The following GDAP2 variants were observed in gnomAD, a reference collection of about 807,000 sequenced individuals.
GDAP2 encodes ganglioside-induced differentiation-associated protein 2.
A neutral mutation model predicts 67.0 loss-of-function variants in GDAP2; 51 were observed. The ratio of observed to expected loss-of-function variants is 0.76; its 90% CI spans 0.61 to 0.96. The LOEUF (loss-of-function observed/expected upper bound fraction) is 0.96, where lower values mean the gene tolerates loss of function less well. Ranked by LOEUF, GDAP2 falls within the 40% of genes least tolerant of loss-of-function variation. The pLI is 0.00. For missense variants in GDAP2, 547 were observed against 588.3 expected (o/e 0.93, Z 0.73); for synonymous variants, 203 against 207.3 (o/e 0.98, Z 0.18).
At chr1:117,882,088 T>C (rs1240956725) in intron 11 of GDAP2, among the ~76,000 whole-genome samples, 2 of 152,166 alleles carry the variant, frequency 1.3e-5, no homozygotes, top group Non-Finnish European at 2.9e-5. Flanking sequence ...ATAGGAGATA[T>C]TAAGTGCTTC....
chr1:117,884,842 GTGTTC>G (rs1648792961), intron 10 of GDAP2, among the ~76,000 whole-genome samples: 1 of 150,834 alleles, frequency 6.6e-6, no homozygotes, highest in African/African-American at 2.5e-5. Flanking sequence ...GTGTGTGTGT[GTGTTC>G]TGTTTGTTCG....
At chr1:117,925,443 C>T (rs532866440) in intron 1 of GDAP2, among the ~76,000 whole-genome samples, 2 of 152,046 alleles carry the variant, frequency 1.3e-5, no homozygotes, top group African/African-American at 4.8e-5. Context: ...CAGAGCAAAA[C>T]CCTATCTCAA....
At chr1:117,899,950 A>T (rs1443195642) in intron 6 of GDAP2, among the ~76,000 whole-genome samples, 1 of 152,210 alleles carries the variant, frequency 6.6e-6, no homozygotes, top group East Asian at 1.9e-4. Flanking sequence ...CAATGAAATC[A>T]TTCAAGAAAT....
intron 3 of GDAP2, among the ~76,000 whole-genome samples, chr1:117,917,594 C>T (rs1650095045): frequency 1.3e-5 from 2 of 152,176 alleles, no homozygotes; most frequent in Non-Finnish European, 2.9e-5. Flanking sequence ...AGCTCAGACT[C>T]AGAGGTGAAG....
chr1:117,896,414 G>A lies in GDAP2; in HGVS notation c.953+419C>T, dbSNP rs548296466. ...GTTTGGATGTCTTGTAAGGTCCTTC[G>A]GATAAGTCAGGGAGAAATAAGGCTC... is the stretch of plus-strand genomic sequence containing the variant. On this transcript the variant is annotated intron_variant, in intron 8 of 13. Transcript: ENST00000369443. Among the ~76,000 whole-genome samples, 5 of 152,252 alleles carry A rather than the reference G, an allele frequency of 3.3e-5. No individual in the cohort carries two copies. The South Asian group carries it at 8.3e-4, about 25-fold the overall frequency.
intron 6 of GDAP2, among the ~76,000 whole-genome samples, chr1:117,900,627 G>A (rs952842680): frequency 6.6e-6 from 1 of 152,002 alleles, no homozygotes; most frequent in African/African-American, 2.4e-5. Context: ...TTACCCAGGC[G>A]TGGTGGCGCG....
At chr1:117,878,531 T>C (rs1262062952) in intron 12 of GDAP2, among the ~76,000 whole-genome samples, 1 of 152,178 alleles carries the variant, frequency 6.6e-6, no homozygotes, top group Non-Finnish European at 1.5e-5. Flanking sequence ...CTTCTGAAAA[T>C]GGTTAATATC....
intron 6 of GDAP2, among the ~76,000 whole-genome samples, chr1:117,904,224 G>A (rs1201331255): frequency 1.3e-5 from 2 of 151,932 alleles, no homozygotes; most frequent in African/African-American, 4.8e-5. Context: ...CCTGACCTCT[G>A]GTGATCCACC....
In GDAP2 at chr1:117,905,192, A is replaced by G. The variant is rs371611003; in HGVS notation, c.636+1314T>C. On this transcript the variant is annotated intron_variant, in intron 6 of 13. Coordinates refer to ENST00000369443, the MANE Select transcript of GDAP2 (RefSeq NM_017686.4). ...TTTCCCTTTCCAAATCATCCTCCAC[A>G]CAGCTAAAACAGAAATTAGATGACA... Among the ~76,000 whole-genome samples, 4 of 152,306 alleles carry G rather than the reference A, an allele frequency of 2.6e-5. No individual in the cohort carries two copies. In the East Asian group the frequency reaches 5.8e-4, roughly 22 times the overall value.
At chr1:117,891,255 G>A (rs1570974112) in intron 8 of GDAP2, among the ~76,000 whole-genome samples, 1 of 151,144 alleles carries the variant, frequency 6.6e-6, no homozygotes, top group Non-Finnish European at 1.5e-5. Context: ...CTTGTTTTGC[G>A]TGTCTCCTGG....
Position 117,899,150 on chromosome 1 carries a change from G to T in GDAP2, c.703C>A (p.Pro235Thr). Reference sequence around the variant, plus strand: ...TTTCCAATATCTGCAGGTAGGTAGGGCAATGATCGATTCTCCTCTTTTAAT... The same window carrying T: ...TTTCCAATATCTGCAGGTAGGTAGGTCAATGATCGATTCTCCTCTTTTAAT... ...RSLKEENRSLPYLPADIGNAE... is the reference protein window; with the variant it reads ...RSLKEENRSLTYLPADIGNAE... Residue 235 changes from proline (P) to threonine (T), a missense_variant, in exon 7 of 14, where the codon CCC (proline) becomes ACC (threonine). By Grantham distance (38) the Pro-to-Thr change is conservative. Coordinates refer to ENST00000369443, the MANE Select transcript of GDAP2 (RefSeq NM_017686.4). The T allele has an allele frequency of 6.2e-7, 1 of 1,609,274 alleles. No homozygotes were observed. The highest frequency in any genetic ancestry group is 8.5e-7 in the Non-Finnish European group (1 of 1,175,610).
At chr1:117,916,543 G>C (rs1650051459) in intron 3 of GDAP2, among the ~76,000 whole-genome samples, 1 of 152,210 alleles carries the variant, frequency 6.6e-6, no homozygotes, top group Admixed American at 6.5e-5. Context: ...AAGAAACGAA[G>C]AATGGATGTA....
At chr1:117,882,647 G>C (rs1448464227) in intron 11 of GDAP2, among the ~76,000 whole-genome samples, 1 of 152,176 alleles carries the variant, frequency 6.6e-6, no homozygotes, top group Non-Finnish European at 1.5e-5. Flanking sequence ...GAACTGGTTA[G>C]TGGTAGAAGC....
Position 117,883,516 on chromosome 1 carries a change from T to G in GDAP2, c.1219A>C (p.Lys407Gln), listed in dbSNP as rs1255162916. Reference protein sequence around the residue: ...EYNHLDSDFLKKLYDVVDVKY... With the variant: ...EYNHLDSDFLQKLYDVVDVKY... ...ACATCAACAACATCGTAGAGTTTCT[T>G]CAGGAAGTCGGAGTCCAGGTGATTG... Residue 407 changes from lysine to glutamine, a missense_variant, in exon 11 of 14, where the codon AAG becomes CAG. Coordinates refer to ENST00000369443, the MANE Select transcript of GDAP2 (RefSeq NM_017686.4). 6.2e-7 allele frequency: 1 copy of G among 1,612,864 alleles called. No individual in the cohort carries two copies.
intron 1 of GDAP2, among the ~76,000 whole-genome samples, chr1:117,921,440 C>T (rs906630695): frequency 2.0e-5 from 3 of 152,180 alleles, no homozygotes; most frequent in African/African-American, 7.2e-5. Context: ...GAACAGGTAA[C>T]ATCTCAGTAG....
chr1:117,881,829 A>G lies in GDAP2; in HGVS notation c.1296T>C (p.Arg432=), dbSNP rs754939306. 7.8e-6 allele frequency: 12 copies of G among 1,543,822 alleles called. No individual in the cohort carries two copies. In the African/African-American group the frequency reaches 1.6e-4, roughly 21 times the overall value. Residue 432 remains arginine (R), a synonymous_variant, in exon 12 of 14, where the codon CGT becomes CGC. Transcript: ENST00000369443. ...KAVYFVHPTF[R]SKVSTWFFTT... ...AAAGAGAAAAATACTGTACCTTTGA[A>G]CGAAATGTGGGATGTACAAAATAAA...
chr1:117,877,642 A>C (rs1047880701), intron 13 of GDAP2: 1 of 1,004,426 alleles, frequency 1.0e-6, no homozygotes, highest in Non-Finnish European at 1.2e-6. Flanking sequence ...TTAATTCTAA[A>C]AGTGATCACC....
intron 8 of GDAP2, among the ~76,000 whole-genome samples, chr1:117,892,982 A>T (rs1022009466): frequency 3.3e-5 from 5 of 152,106 alleles, no homozygotes; most frequent in African/African-American, 1.2e-4. Flanking sequence ...TTCATATACT[A>T]ATTAGTTTAA....
intron 8 of GDAP2, among the ~76,000 whole-genome samples, chr1:117,891,856 A>T (rs986549812): frequency 1.2e-4 from 19 of 152,154 alleles, no homozygotes; most frequent in Non-Finnish European, 2.5e-4. Flanking sequence ...CAGAATTTTT[A>T]AAAATTTAAG....
Sources: gnomAD v4.1 joint callset for allele counts (sites outside exome capture counted in the v4.1 genomes callset) on GRCh38, gnomAD v4.1.1 for gene constraint, MANE v1.5 for transcripts, NCBI Gene and HGNC (gene_info 2026-07-23, HGNC 2026-07-21) for gene names.